The following ATP13A5 variants were observed in gnomAD, a reference collection of about 807,000 sequenced individuals.
ATP13A5 encodes the protein probable cation-transporting ATPase 13A5.
ATP13A5 carries 149 observed loss-of-function variants against 150.2 expected under a neutral mutation model. The observed-to-expected ratio is 0.99, with a 90% CI of 0.87 to 1.14. The LOEUF (loss-of-function observed/expected upper bound fraction) is 1.14, where lower values mean the gene tolerates loss of function less well. ATP13A5 is among the 50% of genes most tolerant of loss of function. The pLI is 0.00. For missense variants in ATP13A5, 1,383 were observed against 1,449.3 expected (o/e 0.95, Z 0.74); for synonymous variants, 497 against 522.2 (o/e 0.95, Z 0.66).
chr3:193,282,966 C>T (rs557766699), intron 27 of ATP13A5, among the ~76,000 whole-genome samples: 4 of 152,008 alleles, frequency 2.6e-5, no homozygotes, highest in Non-Finnish European at 2.9e-5. Context: ...GATCTTGCCA[C>T]TTATTAAATA....
chr3:193,309,235 C>A (rs1428275031), intron 21 of ATP13A5, among the ~76,000 whole-genome samples: 1 of 152,172 alleles, frequency 6.6e-6, no homozygotes, highest in African/African-American at 2.4e-5. Flanking sequence ...CTGCTGGGGC[C>A]AGATAAAGGC....
chr3:193,294,336 C>T (rs1718080682), intron 25 of ATP13A5, among the ~76,000 whole-genome samples: 1 of 152,048 alleles, frequency 6.6e-6, no homozygotes, highest in Non-Finnish European at 1.5e-5. Context: ...CAAACCCTCC[C>T]TCTATTTTCT....
chr3:193,275,098 T>A lies in ATP13A5; in HGVS notation c.3601A>T (p.Arg1201Ter). 1.2e-6 allele frequency: 2 copies of A among 1,614,226 alleles called. No individual in the cohort carries two copies. The highest frequency in any genetic ancestry group is 2.2e-5 in the South Asian group (2 of 91,086). The stretch of plus-strand genomic sequence containing the variant: ...GGTTGGCCTCCCAATTTGAGTTTTC[T>A]TTTTGGAATCTGTTCATGGCTTTCA... The part of the protein sequence containing the change: ...GYESHEQIPK[R>*]KLKLGGQPTE... The change falls in exon 30 of 30, where the codon AGA becomes TGA. Residue 1201 changes from arginine (R) to a stop codon, truncating the protein, a stop_gained. Coordinates refer to ENST00000342358, the MANE Select transcript of ATP13A5 (RefSeq NM_198505.4). LOFTEE classifies it high-confidence loss of function.
intron 5 of ATP13A5, among the ~76,000 whole-genome samples, chr3:193,357,133 A>G (rs555954819): frequency 1.1e-4 from 16 of 152,168 alleles, no homozygotes; most frequent in Non-Finnish European, 1.6e-4. Flanking sequence ...AGATTTTTAA[A>G]TCCTGTCTAA....
intron 21 of ATP13A5, among the ~76,000 whole-genome samples, chr3:193,309,781 A>G (rs1249780636): frequency 6.6e-6 from 1 of 152,158 alleles, no homozygotes. Context: ...ACCGCTCATG[A>G]GGCACTGAGC....
At chr3:193,373,978 CAG>C (rs1157753176) in intron 1 of ATP13A5, among the ~76,000 whole-genome samples, 1 of 152,162 alleles carries the variant, frequency 6.6e-6, no homozygotes, top group Non-Finnish European at 1.5e-5. Flanking sequence ...AAGGGGAACA[CAG>C]ATGGAATTGC....
At chr3:193,326,671 C>A (rs1257310404) in intron 13 of ATP13A5, among the ~76,000 whole-genome samples, 1 of 152,188 alleles carries the variant, frequency 6.6e-6, no homozygotes, top group Admixed American at 6.5e-5. Context: ...CACCACCTGC[C>A]TGCGCTAGCC....
At chr3:193,372,219 C>A in intron 1 of ATP13A5, 1 of 161,834 alleles carries the variant, frequency 6.2e-6, no homozygotes, top group South Asian at 1.3e-4. Context: ...ATCGCTTGAA[C>A]CTGGGAGGCA....
rs1409289639 is a variant in ATP13A5, at chr3:193,335,030, C to T, written c.1013G>A (p.Ser338Asn). ...MENTMPWKCH[S>N]LEDYRKHVLF... ...GACGTGTTTCCTATAATCCTCCAAA[C>T]TGTGACATTTCCAAGGCATAGTGTT... The change falls in exon 10 of 30, where the codon AGT becomes AAT. Residue 338 changes from serine to asparagine, a missense_variant. Around this residue, in one of 3 missense-constraint regions of ATP13A5, gnomAD observed 787 missense variants for 771.9 expected, o/e 1.02. Coordinates refer to ENST00000342358, the MANE Select transcript of ATP13A5 (RefSeq NM_198505.4). 2 of 1,613,830 alleles carry T rather than the reference C, an allele frequency of 1.2e-6. No individual in the cohort carries two copies. The highest frequency in any genetic ancestry group is 1.7e-5 in the Admixed American group (1 of 59,986).
At chr3:193,281,326 G>A in intron 27 of ATP13A5, 1 of 372,586 alleles carries the variant, frequency 2.7e-6, no homozygotes, top group East Asian at 1.6e-4. Context: ...TAAAAACTAG[G>A]TCTCGCCTGT....
rs189132966 is a variant in ATP13A5 at position 193,300,893 on chromosome 3, T to A, written c.2775+318A>T. Among the ~76,000 whole-genome samples, 301 of 152,310 alleles carry A rather than the reference T, an allele frequency of 2.0e-3. 1 individual carries two copies. Among genetic ancestry groups the A allele is most frequent in the Admixed American group, 4.1e-3 (63 of 15,290 alleles). ...AAAATATTCCACAATTGGAGACTCA[T>A]CCATTTCCTGCTGAATTATACTTAG... On this transcript the variant is annotated intron_variant, in intron 24 of 29. Transcript: ENST00000342358.
chr3:193,377,667 G>A (rs1205610361), intron 1 of ATP13A5, among the ~76,000 whole-genome samples: 3 of 152,192 alleles, frequency 2.0e-5, no homozygotes, highest in Non-Finnish European at 4.4e-5. Context: ...GAGCCGGTAT[G>A]GATTTGCCCC....
At chr3:193,354,874 A>G (rs1712717298) in intron 5 of ATP13A5, among the ~76,000 whole-genome samples, 1 of 151,748 alleles carries the variant, frequency 6.6e-6, no homozygotes, top group Non-Finnish European at 1.5e-5. Context: ...TTGCCAATGG[A>G]AGAAATTATT....
intron 1 of ATP13A5, among the ~76,000 whole-genome samples, chr3:193,375,653 G>A (rs1301702095): frequency 6.6e-6 from 1 of 152,154 alleles, no homozygotes; most frequent in African/African-American, 2.4e-5. Context: ...CAGGGCTGTT[G>A]TAAAGTTTTG....
At chr3:193,319,275 G>A (rs184812860) in intron 16 of ATP13A5, among the ~76,000 whole-genome samples, 167 bp from the exon 17 acceptor site, 1 of 152,294 alleles carries the variant, frequency 6.6e-6, no homozygotes, top group East Asian at 1.9e-4. Context: ...TCATCAGTGT[G>A]TTCTTATTAT....
chr3:193,338,165 A>G (rs189832145), intron 9 of ATP13A5, among the ~76,000 whole-genome samples: 1 of 152,310 alleles, frequency 6.6e-6, no homozygotes, highest in East Asian at 1.9e-4. Context: ...ATATACAATC[A>G]TGTCATCTGC....
chr3:193,298,989 C>A (rs912522356), intron 25 of ATP13A5, 142 bp downstream of exon 25: 2 of 633,684 alleles, frequency 3.2e-6, no homozygotes, highest in South Asian at 2.1e-5. Context: ...AACTTACTCC[C>A]AATATCACTT....
intron 19 of ATP13A5, 39 bp downstream of exon 19, chr3:193,313,994 A>C: frequency 6.2e-7 from 1 of 1,605,546 alleles, no homozygotes; most frequent in Non-Finnish European, 8.5e-7. Flanking sequence ...GTATTCCATC[A>C]GTCTAGGCCC....
At chr3:193,321,130 G>C (rs1719259078) in intron 16 of ATP13A5, among the ~76,000 whole-genome samples, 1 of 152,088 alleles carries the variant, frequency 6.6e-6, no homozygotes, top group African/African-American at 2.4e-5. Context: ...CCTGATGCAA[G>C]CTTCACATCT....
Sources: allele counts gnomAD v4.1 joint callset (sites outside exome capture counted in the v4.1 genomes callset), GRCh38; gene constraint gnomAD v4.1.1; regional missense constraint gnomAD v4.1.1; transcripts MANE v1.5; gene names NCBI Gene and HGNC (gene_info 2026-07-23, HGNC 2026-07-21).